The following ANKRD26 variants were observed in gnomAD, a reference collection of about 807,000 sequenced individuals.
The protein encoded by ANKRD26 is ankyrin repeat domain 26, also known as ankyrin repeat domain-containing protein 26.
ANKRD26 carries 141 observed loss-of-function variants against 208.7 expected under a neutral mutation model. The ratio of observed to expected loss-of-function variants is 0.68; its 90% CI spans 0.59 to 0.78. The LOEUF (loss-of-function observed/expected upper bound fraction) is 0.78, where lower values mean the gene tolerates loss of function less well. Ranked by LOEUF, ANKRD26 falls within the 30% of genes least tolerant of loss-of-function variation. The pLI is 0.00. For synonymous variants in ANKRD26, 636 were observed against 660.4 expected (o/e 0.96, Z 0.57); for missense variants, 1,889 against 1,938.7 (o/e 0.97, Z 0.48).
At chr10:27,037,782 C>T in intron 22 of ANKRD26, 89 bp downstream of exon 22, 1 of 1,095,202 alleles carries the variant, frequency 9.1e-7, no homozygotes. Flanking sequence ...TTGTTTTAAA[C>T]CTAGATAACA....
chr10:27,082,672 T>C, intron 6 of ANKRD26, 131 bp downstream of exon 6: 1 of 1,325,872 alleles, frequency 7.5e-7, no homozygotes, highest in South Asian at 1.5e-5. Flanking sequence ...ATAGCACAGA[T>C]ACTTTGCAAA....
intron 23 of ANKRD26, among the ~76,000 whole-genome samples, chr10:27,036,051 T>A (rs1366759560): frequency 6.6e-6 from 1 of 152,002 alleles, no homozygotes; most frequent in Non-Finnish European, 1.5e-5. Flanking sequence ...TTCAAAAGCA[T>A]AAAAGATTAA....
intron 6 of ANKRD26, 100 bp downstream of exon 6, chr10:27,082,703 G>A (rs1024020316): frequency 3.4e-6 from 5 of 1,458,664 alleles, no homozygotes; most frequent in Non-Finnish European, 4.6e-6. Context: ...CGACTATATG[G>A]AGAAGCACAT....
chr10:26,992,507 C>CAGAG (rs906434300), intron 5 of ANKRD26, among the ~76,000 whole-genome samples: 8 of 134,250 alleles, frequency 6.0e-5, no homozygotes, highest in African/African-American at 2.3e-4. Flanking sequence ...CACACACACA[C>CAGAG]AGAGAGAAAA....
chr10:26,951,858 C>G, the ANKRD26 span, among the ~76,000 whole-genome samples: 3 of 152,212 alleles, frequency 2.0e-5, no homozygotes, highest in African/African-American at 4.8e-5. Flanking sequence ...GGGACTGCCC[C>G]TCTCAGGATA....
chr10:27,026,720 TA>T (rs1399451827), intron 27 of ANKRD26, among the ~76,000 whole-genome samples: 1 of 152,134 alleles, frequency 6.6e-6, no homozygotes, highest in African/African-American at 2.4e-5. Context: ...AAATAATCAC[TA>T]AATTGGTACA....
chr10:27,035,362 G>A lies in ANKRD26; in HGVS notation c.3088C>T (p.Leu1030=), dbSNP rs771575706. 1 of 1,613,896 alleles carries A rather than the reference G, an allele frequency of 6.2e-7. No homozygotes were observed. The highest frequency in any genetic ancestry group is 8.5e-7 in the Non-Finnish European group (1 of 1,179,932). The change falls in exon 24 of 34, where the codon CTA becomes TTA. Residue 1030 remains leucine, a synonymous_variant. Coordinates refer to ENST00000376087, the MANE Select transcript of ANKRD26 (RefSeq NM_014915.3). ...CTTGCTCTCTGGAAAGCAAGTTCTAGTTCTCTTTTTGATGTCTCACTTTGA... is the reference window on the plus strand; with the variant it reads ...CTTGCTCTCTGGAAAGCAAGTTCTAATTCTCTTTTTGATGTCTCACTTTGA... The part of the protein sequence containing the change: ...RDQSETSKRE[L]ELAFQRARDE...
chr10:27,036,560 T>C (rs1293785070), intron 23 of ANKRD26, among the ~76,000 whole-genome samples: 1 of 152,134 alleles, frequency 6.6e-6, no homozygotes, highest in Admixed American at 6.5e-5. Flanking sequence ...TGTTTCCTCT[T>C]CATAATGTTT....
chr10:27,032,193 C>T (rs775242543), intron 25 of ANKRD26, among the ~76,000 whole-genome samples: 25 of 152,044 alleles, frequency 1.6e-4, no homozygotes, highest in Admixed American at 1.3e-3. Context: ...AAAAAAATGG[C>T]AGAATGAAAG....
intron 30 of ANKRD26, among the ~76,000 whole-genome samples, chr10:27,016,917 G>T (rs1420105334): frequency 1.3e-5 from 2 of 152,050 alleles, no homozygotes; most frequent in Admixed American, 6.6e-5. Context: ...GCCAGGTTTG[G>T]TGGCTCATGC....
At chr10:27,000,722 G>A (rs1256348899), downstream of ANKRD26, among the ~76,000 whole-genome samples, 1 of 152,172 alleles carries the variant, frequency 6.6e-6, no homozygotes, top group Non-Finnish European at 1.5e-5. Flanking sequence ...AGACAGAATA[G>A]GCCAGGCACG....
rs1321205586 is a variant in ANKRD26, at chr10:27,005,301, C to A, written c.*289G>T. On this transcript the variant is annotated 3_prime_UTR_variant, in exon 34 of 34. Transcript: ENST00000376087. ...ATAAAAATTACAAAATACAAATAAG[C>A]CATCAATTAACTGCACTAAAGTATT... 5 of 1,090,110 alleles carry A rather than the reference C, an allele frequency of 4.6e-6. No individual in the cohort carries two copies. The highest frequency in any genetic ancestry group is 4.9e-5 in the Admixed American group (1 of 20,560). 67.5% of individuals were successfully genotyped at this position (1,090,110 alleles called of 1,614,324 possible).
At chr10:26,964,168 C>T in the ANKRD26 span, among the ~76,000 whole-genome samples, 2 of 151,850 alleles carry the variant, frequency 1.3e-5, no homozygotes, top group African/African-American at 4.8e-5. Flanking sequence ...CTCAACCTCC[C>T]AAAGGGCTGG....
intron 9 of ANKRD26, among the ~76,000 whole-genome samples, chr10:27,075,417 G>A (rs1409488672): frequency 6.6e-6 from 1 of 152,120 alleles, no homozygotes; most frequent in Non-Finnish European, 1.5e-5. Context: ...CACACAAAGA[G>A]AAACCAAAAG....
chr10:27,003,865 T>C (rs1422788964), downstream of ANKRD26, among the ~76,000 whole-genome samples: 5 of 152,222 alleles, frequency 3.3e-5, no homozygotes, highest in Non-Finnish European at 1.5e-5. Flanking sequence ...AAGGAGACTA[T>C]AGAAACGGAA....
the ANKRD26 span, among the ~76,000 whole-genome samples, chr10:26,965,737 C>T: frequency 6.6e-6 from 1 of 152,062 alleles, no homozygotes; most frequent in Non-Finnish European, 1.5e-5. Flanking sequence ...ACCCATCTGA[C>T]AAAGGTCTAA....
intron 33 of ANKRD26, among the ~76,000 whole-genome samples, chr10:27,006,204 T>C (rs1434749375): frequency 2.6e-5 from 4 of 152,008 alleles, no homozygotes; most frequent in Non-Finnish European, 5.9e-5. Context: ...ATACCTGAAG[T>C]ACAAGGAAAA....
At chr10:27,031,269 T>C (rs553303969) in intron 25 of ANKRD26, among the ~76,000 whole-genome samples, 77 of 152,278 alleles carry the variant, frequency 5.1e-4, no homozygotes, top group Non-Finnish European at 5.9e-5. Flanking sequence ...TTATTTACAG[T>C]AGCCAAAAAG....
chr10:27,017,570 G>T lies in ANKRD26; in HGVS notation c.4438C>A (p.Gln1480Lys), dbSNP rs768622377. The change falls in exon 30 of 34, where the codon CAG (glutamine) becomes AAG (lysine). Residue 1480 changes from glutamine to lysine, a missense_variant. Coordinates refer to ENST00000376087, the MANE Select transcript of ANKRD26 (RefSeq NM_014915.3). ...TGTCTTGCTCTTTCTTCAATCTCCT[G>T]TTTATACTGTTTGACTTGACCAAGT... ...VELGQVKQYK[Q>K]EIEERARQEI... is the part of the protein sequence containing the mutation. 1.1e-5 allele frequency: 17 copies of T among 1,613,486 alleles called. No homozygotes were observed. Among genetic ancestry groups the T allele is most frequent in the Middle Eastern group, 1.6e-4 (1 of 6,078 alleles).
Sources: gnomAD v4.1 joint callset for allele counts (sites outside exome capture counted in the v4.1 genomes callset) on GRCh38, gnomAD v4.1.1 for gene constraint, MANE v1.5 for transcripts, NCBI Gene and HGNC (gene_info 2026-07-23, HGNC 2026-07-21) for gene names.